Variants in BTBD7 observed in about 807,000 individuals in gnomAD.
BTBD7 encodes BTB domain containing 7.
A neutral mutation model predicts 99.9 loss-of-function variants in BTBD7; 38 were observed. The ratio of observed to expected loss-of-function variants is 0.38; its 90% CI spans 0.29 to 0.50. BTBD7 has a LOEUF of 0.50. Among genes scored for constraint, BTBD7 ranks in the 20% least tolerant of loss-of-function variants. The pLI, the probability that BTBD7 is intolerant of heterozygous loss-of-function variation, is 0.93. For synonymous variants in BTBD7, 520 were observed against 511.4 expected, an observed-to-expected ratio of 1.02 and a Z score of -0.23; for missense variants, 1,170 against 1,394.6, an observed-to-expected ratio of 0.84 and a Z score of 2.57.
chr14:93,242,768 C>G lies in BTBD7; in HGVS notation c.2904G>C (p.Ser968=). Residue 968 remains serine, a synonymous_variant, in exon 11 of 11, where the codon TCG becomes TCC. Transcript: ENST00000334746. The part of the protein sequence containing the change: ...PALSRRTPSP[S]QGGYFGPDLY... Reference sequence around the variant, plus strand: ...GATCGGGACCAAAATATCCACCTTGCGAAGGGGAAGGGGTGCGTCTGCTGA... The same window carrying G: ...GATCGGGACCAAAATATCCACCTTGGGAAGGGGAAGGGGTGCGTCTGCTGA... The G allele has an allele frequency of 6.2e-7, 1 of 1,614,078 alleles. No individual in the cohort carries two copies. Among genetic ancestry groups the G allele is most frequent in the Non-Finnish European group, 8.5e-7 (1 of 1,180,026 alleles).
intron 3 of BTBD7, among the ~76,000 whole-genome samples, chr14:93,278,778 C>A (rs8012382): frequency 0.38 from 58,393 of 151,996 alleles, 12,382 homozygotes; most frequent in African/African-American, 0.58. Context: ...ATATAGAAGC[C>A]TATCTTTCAA....
At chr14:93,286,419 A>G (rs1043352504) in intron 3 of BTBD7, among the ~76,000 whole-genome samples, 3 of 152,156 alleles carry the variant, frequency 2.0e-5, no homozygotes, top group African/African-American at 7.2e-5. Flanking sequence ...AGTTTGAGTG[A>G]GCTACTCAGA....
chr14:93,278,602 T>C (rs2052682121), intron 3 of BTBD7, among the ~76,000 whole-genome samples: 1 of 152,124 alleles, frequency 6.6e-6, no homozygotes, highest in Non-Finnish European at 1.5e-5. Context: ...GCCTTAACAC[T>C]TTCTAGCTGT....
chr14:93,277,033 C>T lies in BTBD7; in HGVS notation c.1163-13040G>A, dbSNP rs113673097. 9.2e-3 allele frequency among the ~76,000 whole-genome samples: 1,389 copies of T among 150,554 alleles called. 25 individuals carry two copies. Among genetic ancestry groups the T allele is most frequent in the African/African-American group, 0.032 (1,314 of 41,028 alleles). On this transcript the variant is annotated intron_variant, in intron 3 of 10. Coordinates refer to ENST00000334746, the MANE Select transcript of BTBD7 (RefSeq NM_001002860.4). The stretch of plus-strand genomic sequence containing the variant: ...TCTCTGATCTCAGCTTCCTGAGTAG[C>T]TCGGATTACAGGCACGCACCACCAC...
At chr14:93,327,226 T>A (rs2053343982) in intron 1 of BTBD7, among the ~76,000 whole-genome samples, 1 of 152,210 alleles carries the variant, frequency 6.6e-6, no homozygotes, top group African/African-American at 2.4e-5. Context: ...TAATAATATG[T>A]TTTTTACTTT....
At chr14:93,321,787 CTGA>C (rs2053273280) in intron 1 of BTBD7, among the ~76,000 whole-genome samples, 1 of 151,850 alleles carries the variant, frequency 6.6e-6, no homozygotes, top group Admixed American at 6.6e-5. Context: ...TTCTTTGTGG[CTGA>C]TAATACAACT....
chr14:93,312,598 A>C (rs958627344), intron 1 of BTBD7, among the ~76,000 whole-genome samples: 1 of 152,272 alleles, frequency 6.6e-6, no homozygotes, highest in African/African-American at 2.4e-5. Context: ...CTCCTTGTCT[A>C]TAAGGACATC....
At position 93,294,363 on chromosome 14, in the gene BTBD7, G is replaced by A; in HGVS notation, c.657C>T (p.Ile219=). Reference sequence around the variant, plus strand: ...CAAATTCTTCACTAAGCTGAACAAGGATATCGACATTTTGAAACCTTGAGT... The same window carrying A: ...CAAATTCTTCACTAAGCTGAACAAGAATATCGACATTTTGAAACCTTGAGT... ...MEDSRFQNVD[I]LVQLSEEFGT... is the part of the protein sequence containing the mutation. The change falls in exon 3 of 11, where the codon ATC becomes ATT. Residue 219 remains isoleucine (I), a synonymous_variant. Transcript: ENST00000334746. The A allele has an allele frequency of 6.2e-7, 1 of 1,614,112 alleles. No individual in the cohort carries two copies. The highest frequency in any genetic ancestry group is 8.5e-7 in the Non-Finnish European group (1 of 1,180,018).
chr14:93,331,114 A>T lies in BTBD7; in HGVS notation c.-107+1706T>A, dbSNP rs535657879. On this transcript the variant is annotated intron_variant, in intron 1 of 10. Transcript: ENST00000334746. ...TTAAGTTCAGGTTAGGAAAAAAAAA[A>T]AATCTTCATCAGTTACTTGAAGTAG... is the stretch of plus-strand genomic sequence containing the variant. Among the ~76,000 whole-genome samples, 21 of 152,344 alleles carry T rather than the reference A, an allele frequency of 1.4e-4. No homozygotes were observed. In the South Asian group the frequency reaches 4.4e-3, roughly 32 times the overall value.
intron 3 of BTBD7, among the ~76,000 whole-genome samples, chr14:93,266,043 T>C (rs2052538370): frequency 6.6e-6 from 1 of 152,212 alleles, no homozygotes; most frequent in South Asian, 2.1e-4. Context: ...AGAATCATAA[T>C]TGCCTAAAAA....
chr14:93,300,704 T>TGTG (rs2052985751), intron 1 of BTBD7, among the ~76,000 whole-genome samples: 3 of 87,094 alleles, frequency 3.4e-5, no homozygotes, highest in South Asian at 4.7e-4. Context: ...CCCAGCTAAT[T>TGTG]TGTGTGTGTG....
chr14:93,295,251 T>C (rs889509806), intron 2 of BTBD7, among the ~76,000 whole-genome samples: 4 of 152,174 alleles, frequency 2.6e-5, no homozygotes, highest in African/African-American at 9.7e-5. Flanking sequence ...GCTGGGAGTA[T>C]AGGCATGTGC....
At chr14:93,248,279 C>T (rs1781774011) in intron 9 of BTBD7, among the ~76,000 whole-genome samples, 197 bp downstream of exon 9, 2 of 152,186 alleles carry the variant, frequency 1.3e-5, no homozygotes, top group South Asian at 2.1e-4. Context: ...CAGTTCTCAT[C>T]CTAGGCCTCT....
At chr14:93,316,077 G>A (rs942382170) in intron 1 of BTBD7, among the ~76,000 whole-genome samples, 3 of 150,832 alleles carry the variant, frequency 2.0e-5, no homozygotes, top group African/African-American at 4.9e-5. Flanking sequence ...TCAGCCTCCC[G>A]AGTAGCTGGG....
At chr14:93,277,577 C>T (rs151247968) in intron 3 of BTBD7, among the ~76,000 whole-genome samples, 12 of 152,262 alleles carry the variant, frequency 7.9e-5, no homozygotes, top group African/African-American at 2.6e-4. Context: ...GAAATCTTTG[C>T]CTGTTTCCTT....
At chr14:93,308,461 ATAAT>A (rs1458935901) in intron 1 of BTBD7, among the ~76,000 whole-genome samples, 5 of 152,172 alleles carry the variant, frequency 3.3e-5, no homozygotes, top group African/African-American at 1.2e-4. Context: ...TGCTTCCTCA[ATAAT>A]TAAACATAGA....
Position 93,306,714 on chromosome 14 carries a change from A to G in BTBD7, c.-106-10557T>C, listed in dbSNP as rs561197597. The stretch of plus-strand genomic sequence containing the variant: ...CTTGAGGCGCAAAGTTATTTCTGGC[A>G]TAACTTCACATTACTGCACAGCACC... On this transcript the variant is annotated intron_variant, in intron 1 of 10. Transcript: ENST00000334746. 6.7e-4 allele frequency among the ~76,000 whole-genome samples: 102 copies of G among 152,334 alleles called. 2 individuals are homozygous for G. In the South Asian group the frequency reaches 0.021, roughly 31 times the overall value.
Position 93,242,763 on chromosome 14 carries a change from C to T in BTBD7, c.2909G>A (p.Gly970Asp). The change falls in exon 11 of 11, where the codon GGT becomes GAT. Residue 970 changes from glycine to aspartate, a missense_variant. By Grantham distance (94) the Gly-to-Asp change is moderately conservative. Coordinates refer to ENST00000334746, the MANE Select transcript of BTBD7 (RefSeq NM_001002860.4). ...LSRRTPSPSQ[G>D]GYFGPDLYSH... Reference sequence around the variant, plus strand: ...GTACAGATCGGGACCAAAATATCCACCTTGCGAAGGGGAAGGGGTGCGTCT... The same window carrying T: ...GTACAGATCGGGACCAAAATATCCATCTTGCGAAGGGGAAGGGGTGCGTCT... 1 of 1,614,138 alleles carries T rather than the reference C, an allele frequency of 6.2e-7. No homozygotes were observed. The highest frequency in any genetic ancestry group is 8.5e-7 in the Non-Finnish European group (1 of 1,180,038).
chr14:93,248,784 C>T, intron 8 of BTBD7, 130 bp from the exon 9 acceptor site: 2 of 825,356 alleles, frequency 2.4e-6, no homozygotes, highest in Non-Finnish European at 3.6e-6. Flanking sequence ...ATCTTAATTT[C>T]CTGGGAACAC....
Sources: gnomAD v4.1 joint callset for allele counts (sites outside exome capture counted in the v4.1 genomes callset) on GRCh38, gnomAD v4.1.1 for gene constraint, MANE v1.5 for transcripts, NCBI Gene and HGNC (gene_info 2026-07-23, HGNC 2026-07-21) for gene names.